SLC7A11: variants seen among roughly 807,000 people sequenced by gnomAD.
SLC7A11 encodes the protein solute carrier family 7 member 11.
A neutral mutation model predicts 54.5 loss-of-function variants in SLC7A11; 35 were observed. That is an observed-to-expected ratio of 0.64 (90% CI 0.49 to 0.85). SLC7A11 has a LOEUF of 0.85. SLC7A11 is among the 40% of genes least tolerant of loss of function. The pLI is 0.00. For synonymous variants in SLC7A11, 230 were observed against 225.2 expected, an observed-to-expected ratio of 1.02 and a Z score of -0.19; for missense variants, 583 against 618.1, an observed-to-expected ratio of 0.94 and a Z score of 0.60.
In SLC7A11 at chr4:138,242,070, A is replaced by C. The variant is rs370506409; in HGVS notation, c.-1T>G. 2 of 1,613,614 alleles carry C rather than the reference A, an allele frequency of 1.2e-6. No individual in the cohort carries two copies. Among genetic ancestry groups the C allele is most frequent in the Non-Finnish European group, 1.7e-6 (2 of 1,179,722 alleles). On this transcript the variant is annotated 5_prime_UTR_variant, in exon 1 of 12. Coordinates refer to ENST00000280612, the MANE Select transcript of SLC7A11 (RefSeq NM_014331.4). Reference sequence around the variant, plus strand: ...TGGACACAACAGGCTTTCTGACCATAGTAGGGACACACGGGGGAAAAATAA... The same window carrying C: ...TGGACACAACAGGCTTTCTGACCATCGTAGGGACACACGGGGGAAAAATAA...
chr4:138,237,389 G>A (rs1029373389), intron 1 of SLC7A11, among the ~76,000 whole-genome samples: 6 of 150,276 alleles, frequency 4.0e-5, no homozygotes, highest in Non-Finnish European at 7.4e-5. Flanking sequence ...GTACTCTCTG[G>A]GTGTTTTTTT....
intron 11 of SLC7A11, 57 bp from the exon 12 acceptor site, chr4:138,172,074 T>C (rs4504306): frequency 0.46 from 692,860 of 1,520,360 alleles, 158,607 homozygotes; most frequent in Middle Eastern, 0.51. Flanking sequence ...GCATTAAAAA[T>C]AGCAAAATAT....
Position 138,167,592 on chromosome 4 carries a change from A to C in SLC7A11, c.*4364T>G, listed in dbSNP as rs2148403291. 1 of 152,302 alleles carries C rather than the reference A, an allele frequency of 6.6e-6. No individual in the cohort carries two copies. The highest frequency in any genetic ancestry group is 1.9e-4 in the East Asian group (1 of 5,186). 9.4% of individuals were successfully genotyped at this position (152,302 alleles called of 1,614,324 possible). On this transcript the variant is annotated 3_prime_UTR_variant, in exon 12 of 12. Coordinates refer to ENST00000280612, the MANE Select transcript of SLC7A11 (RefSeq NM_014331.4). ...AGCTTAAATACACGTATAGGTAATA[A>C]TTATTTTGCCCATATACAAGTAATG...
intron 6 of SLC7A11, among the ~76,000 whole-genome samples, chr4:138,201,106 C>G (rs1216416761): frequency 4.6e-5 from 7 of 152,062 alleles, no homozygotes; most frequent in Admixed American, 4.6e-4. Context: ...AATGACTTTG[C>G]TCATAAAATC....
intron 6 of SLC7A11, among the ~76,000 whole-genome samples, chr4:138,210,624 G>A (rs1015517283): frequency 6.6e-6 from 1 of 152,020 alleles, no homozygotes; most frequent in Non-Finnish European, 1.5e-5. Flanking sequence ...CATACAAATG[G>A]CCAGCAAACA....
chr4:138,167,958 C>T lies in SLC7A11; in HGVS notation c.*3998G>A, dbSNP rs1736310147. On this transcript the variant is annotated 3_prime_UTR_variant, in exon 12 of 12. Transcript: ENST00000280612. Reference sequence around the variant, plus strand: ...AAATATGATGAAAGTGAAACTATCTCCCTATATATCACATCATATATATTG... The same window carrying T: ...AAATATGATGAAAGTGAAACTATCTTCCTATATATCACATCATATATATTG... 1 of 152,110 alleles carries T rather than the reference C, an allele frequency of 6.6e-6. No individual in the cohort carries two copies. 9.4% of individuals were successfully genotyped at this position (152,110 alleles called of 1,614,324 possible).
In SLC7A11 at chr4:138,182,072, A is replaced by G. The variant is rs886350127; in HGVS notation, c.1116+225T>C. Among the ~76,000 whole-genome samples, 5 of 152,172 alleles carry G rather than the reference A, an allele frequency of 3.3e-5. No individual in the cohort carries two copies. The South Asian group carries it at 8.3e-4, about 25-fold the overall frequency. On this transcript the variant is annotated intron_variant, in intron 9 of 11. Coordinates refer to ENST00000280612, the MANE Select transcript of SLC7A11 (RefSeq NM_014331.4). ...GACCTTACACATTTCTGCAAAGATG[A>G]AAGTGAGGTGATGATGATTTTTGCC...
Position 138,215,029 on chromosome 4 carries a change from A to T in SLC7A11, c.747-400T>A, listed in dbSNP as rs1362797440. Among the ~76,000 whole-genome samples, 8 of 152,110 alleles carry T rather than the reference A, an allele frequency of 5.3e-5. No individual in the cohort carries two copies. In the East Asian group the frequency reaches 1.5e-3, roughly 29 times the overall value. ...AACTTGAACCTTTAAGAACTGCTTT[A>T]TCTTACCCTGGTGAGGTGGTGTGAG... On this transcript the variant is annotated intron_variant, in intron 5 of 11. Coordinates refer to ENST00000280612, the MANE Select transcript of SLC7A11 (RefSeq NM_014331.4).
At chr4:138,191,165 T>C (rs1400223752) in intron 6 of SLC7A11, among the ~76,000 whole-genome samples, 3 of 152,192 alleles carry the variant, frequency 2.0e-5, no homozygotes. Context: ...TGTTCATGCT[T>C]AATGATGATT....
intron 4 of SLC7A11, among the ~76,000 whole-genome samples, chr4:138,219,623 T>A (rs1392700562): frequency 6.6e-6 from 1 of 152,226 alleles, no homozygotes; most frequent in African/African-American, 2.4e-5. Flanking sequence ...AATAATCCTC[T>A]GTTTGAGTAT....
chr4:138,236,550 T>G, intron 1 of SLC7A11, 99 bp from the exon 2 acceptor site: 1 of 1,164,300 alleles, frequency 8.6e-7, no homozygotes, highest in Non-Finnish European at 1.2e-6. Flanking sequence ...GCCTGAGATG[T>G]AACTGCCTCC....
At chr4:138,238,399 G>C (rs1341506984) in intron 1 of SLC7A11, among the ~76,000 whole-genome samples, 1 of 152,164 alleles carries the variant, frequency 6.6e-6, no homozygotes, top group South Asian at 2.1e-4. Flanking sequence ...GTACTGCCAA[G>C]TGCTCAAATG....
chr4:138,230,112 G>T (rs985582402), intron 3 of SLC7A11, among the ~76,000 whole-genome samples: 6 of 152,054 alleles, frequency 3.9e-5, no homozygotes, highest in Non-Finnish European at 8.8e-5. Flanking sequence ...TCTTCTGCGG[G>T]AACATGGATA....
chr4:138,239,082 T>C (rs1330117228), intron 1 of SLC7A11, among the ~76,000 whole-genome samples: 3 of 152,248 alleles, frequency 2.0e-5, no homozygotes, highest in Non-Finnish European at 4.4e-5. Flanking sequence ...CATCTACCTA[T>C]AACTAATTTT....
chr4:138,239,742 C>T (rs1051887247), intron 1 of SLC7A11, among the ~76,000 whole-genome samples: 1 of 152,090 alleles, frequency 6.6e-6, no homozygotes, highest in Non-Finnish European at 1.5e-5. Context: ...TTTCATAGTG[C>T]AAGTCAACAC....
At chr4:138,238,737 C>T (rs191659686) in intron 1 of SLC7A11, among the ~76,000 whole-genome samples, 1 of 151,938 alleles carries the variant, frequency 6.6e-6, no homozygotes, top group Admixed American at 6.6e-5. Context: ...GTAGCTGGGA[C>T]CACAGGTACA....
At chr4:138,199,172 C>T (rs1019116932) in intron 6 of SLC7A11, among the ~76,000 whole-genome samples, 1 of 152,074 alleles carries the variant, frequency 6.6e-6, no homozygotes, top group African/African-American at 2.4e-5. Flanking sequence ...ATATAATGCA[C>T]TACATATATG....
chr4:138,203,311 A>T (rs981646187), intron 6 of SLC7A11, among the ~76,000 whole-genome samples: 9 of 152,126 alleles, frequency 5.9e-5, no homozygotes, highest in Non-Finnish European at 8.8e-5. Flanking sequence ...CTCTATTTTG[A>T]GAATTCCAAT....
chr4:138,198,366 A>G (rs1028477188), intron 6 of SLC7A11, among the ~76,000 whole-genome samples: 3 of 152,186 alleles, frequency 2.0e-5, no homozygotes, highest in Non-Finnish European at 4.4e-5. Flanking sequence ...ATAAAGAATC[A>G]ATACCCATAA....
Sources: allele counts gnomAD v4.1 joint callset (sites outside exome capture counted in the v4.1 genomes callset), GRCh38; gene constraint gnomAD v4.1.1; transcripts MANE v1.5; gene names NCBI Gene and HGNC (gene_info 2026-07-23, HGNC 2026-07-21).